Variants in DLGAP2 observed in about 807,000 individuals in gnomAD.
The protein encoded by DLGAP2 is disks large-associated protein 2.
A neutral mutation model predicts 100.3 loss-of-function variants in DLGAP2; 26 were observed. The observed-to-expected ratio is 0.26, with a 90% CI of 0.19 to 0.36. DLGAP2 has a LOEUF of 0.36. Ranked by LOEUF, DLGAP2 falls within the 10% of genes least tolerant of loss-of-function variation. The probability of loss-of-function intolerance (pLI) is 1.00; values close to 1 mark genes in which losing one functional copy is unlikely to be tolerated. For missense variants in DLGAP2, 1,858 were observed against 1,453.2 expected, an observed-to-expected ratio of 1.28 and a Z score of -4.53; for synonymous variants, 886 against 630.1, an observed-to-expected ratio of 1.41 and a Z score of -6.08.
intron 2 of DLGAP2, among the ~76,000 whole-genome samples, chr8:1,237,910 C>G (rs1409401927): frequency 8.3e-5 from 1 of 12,048 alleles, no homozygotes. Flanking sequence ...ATCTAGTTCT[C>G]TCTCACGCAT....
chr8:1,542,623 T>C (rs1801400947), intron 4 of DLGAP2, among the ~76,000 whole-genome samples: 1 of 152,224 alleles, frequency 6.6e-6, no homozygotes, highest in African/African-American at 2.4e-5. Flanking sequence ...ACAGCCCCCA[T>C]GTTTGTCCAT....
At chr8:1,646,644 G>C (rs953639756) in intron 8 of DLGAP2, among the ~76,000 whole-genome samples, 3 of 152,212 alleles carry the variant, frequency 2.0e-5, no homozygotes, top group African/African-American at 7.2e-5. Flanking sequence ...AGTCCTTGTA[G>C]CTGTGTTGGG....
intron 1 of DLGAP2, among the ~76,000 whole-genome samples, chr8:903,455 T>G (rs1298454226): frequency 1.3e-5 from 2 of 152,076 alleles, no homozygotes; most frequent in African/African-American, 4.8e-5. Context: ...AACAGGCCTG[T>G]GTATTTTTGT....
intron 3 of DLGAP2, among the ~76,000 whole-genome samples, chr8:1,480,336 T>C (rs917158438): frequency 2.0e-5 from 3 of 152,152 alleles, no homozygotes; most frequent in Non-Finnish European, 2.9e-5. Flanking sequence ...GGATGGGTGA[T>C]GGGGGCATCT....
At chr8:1,276,441 C>CG (rs1799699259) in intron 3 of DLGAP2, among the ~76,000 whole-genome samples, 1 of 151,970 alleles carries the variant, frequency 6.6e-6, no homozygotes. Context: ...GAGTGGGTGC[C>CG]GGGGAGGGAA....
intron 6 of DLGAP2, among the ~76,000 whole-genome samples, chr8:1,591,359 G>T (rs533810984): frequency 2.0e-5 from 3 of 152,288 alleles, no homozygotes; most frequent in African/African-American, 7.2e-5. Flanking sequence ...GGAGAAAGAA[G>T]GCTCTTGACT....
chr8:1,274,014 G>C (rs1266807065), intron 3 of DLGAP2, among the ~76,000 whole-genome samples: 1 of 152,138 alleles, frequency 6.6e-6, no homozygotes, highest in East Asian at 1.9e-4. Flanking sequence ...ATATATGAAA[G>C]TCTTGTCAAT....
chr8:1,275,950 T>C (rs1267066982), intron 3 of DLGAP2, among the ~76,000 whole-genome samples: 1 of 127,316 alleles, frequency 7.9e-6, no homozygotes, highest in Admixed American at 9.3e-5. Context: ...ATATATAATA[T>C]ATAAATAAAT....
chr8:1,368,499 A>G (rs1345951004), intron 3 of DLGAP2: 6 of 152,156 alleles, frequency 3.9e-5, no homozygotes, highest in Non-Finnish European at 8.8e-5. Flanking sequence ...TAGAAATACA[A>G]TGAGGTCTAT....
At chr8:1,516,695 G>A (rs111938029) in intron 4 of DLGAP2, among the ~76,000 whole-genome samples, 2 of 150,472 alleles carry the variant, frequency 1.3e-5, no homozygotes, top group Non-Finnish European at 3.0e-5. Flanking sequence ...GAGTGACTGA[G>A]TGAATGAGTG....
intron 4 of DLGAP2, among the ~76,000 whole-genome samples, chr8:1,546,223 C>A (rs1258206246): frequency 2.0e-5 from 3 of 152,230 alleles, no homozygotes; most frequent in African/African-American, 7.2e-5. Flanking sequence ...AAATATAACA[C>A]AGTGAGGCTC....
intron 2 of DLGAP2, among the ~76,000 whole-genome samples, chr8:1,245,982 C>G (rs1032434458): frequency 3.9e-5 from 6 of 152,202 alleles, no homozygotes; most frequent in African/African-American, 1.4e-4. Context: ...GGAAATGCAT[C>G]TATTGAGGAA....
chr8:806,525 A>C (rs1036729474), intron 1 of DLGAP2, among the ~76,000 whole-genome samples: 1 of 152,176 alleles, frequency 6.6e-6, no homozygotes, highest in Admixed American at 6.5e-5. Flanking sequence ...GTAGCACAAG[A>C]GGGACAGGTG....
intron 6 of DLGAP2, among the ~76,000 whole-genome samples, chr8:1,625,261 C>T (rs1018283758): frequency 6.6e-6 from 1 of 152,208 alleles, no homozygotes; most frequent in Non-Finnish European, 1.5e-5. Context: ...TCATTTCTGT[C>T]CACATTTCTA....
At chr8:1,363,743 G>T (rs1802039165) in intron 3 of DLGAP2, among the ~76,000 whole-genome samples, 1 of 152,240 alleles carries the variant, frequency 6.6e-6, no homozygotes, top group South Asian at 2.1e-4. Context: ...GCTCCTCTCT[G>T]GTGGCTGAGA....
chr8:1,695,565 G>A (rs570175800), intron 13 of DLGAP2, among the ~76,000 whole-genome samples: 23 of 145,774 alleles, frequency 1.6e-4, no homozygotes, highest in African/African-American at 5.3e-4. Flanking sequence ...AGCCATGCCC[G>A]GCCCTACAGA....
At chr8:1,626,963 G>T in intron 7 of DLGAP2, 76 bp downstream of exon 7, 1 of 1,505,032 alleles carries the variant, frequency 6.6e-7, no homozygotes, top group Middle Eastern at 1.8e-4. Context: ...CGGCCGCATA[G>T]GTGGCGATGG....
At chr8:859,152 C>A (rs1484322157) in intron 1 of DLGAP2, among the ~76,000 whole-genome samples, 1 of 151,044 alleles carries the variant, frequency 6.6e-6, no homozygotes, top group Non-Finnish European at 1.5e-5. Flanking sequence ...CGCTCTATTG[C>A]CCAGGCTGGA....
At chr8:1,213,716 C>G (rs1265560712) in intron 2 of DLGAP2, among the ~76,000 whole-genome samples, 1 of 152,160 alleles carries the variant, frequency 6.6e-6, no homozygotes, top group Non-Finnish European at 1.5e-5. Context: ...GGGCCCTCTC[C>G]CATCAGGATG....
Sources: allele counts gnomAD v4.1 joint callset (sites outside exome capture counted in the v4.1 genomes callset), GRCh38; gene constraint gnomAD v4.1.1; transcripts MANE v1.5; gene names NCBI Gene and HGNC (gene_info 2026-07-23, HGNC 2026-07-21).